MSRA: variants seen among roughly 807,000 people sequenced by gnomAD.
MSRA encodes the protein mitochondrial peptide methionine sulfoxide reductase.
Under a neutral mutation model 31.3 loss-of-function variants are expected in MSRA, and 54 were observed. The ratio of observed to expected loss-of-function variants is 1.73; its 90% CI spans 1.39 to 2.17. The LOEUF is 2.17. Among genes scored for constraint, MSRA ranks in the 30% most tolerant of loss-of-function variants. MSRA has a pLI of 0.00. For missense variants in MSRA, 507 were observed against 300.9 expected, an observed-to-expected ratio of 1.69 and a Z score of -5.07; for synonymous variants, 169 against 116.5, an observed-to-expected ratio of 1.45 and a Z score of -2.90.
intron 4 of MSRA, among the ~76,000 whole-genome samples, chr8:10,319,454 C>T (rs1364952785): frequency 1.3e-5 from 2 of 152,188 alleles, no homozygotes; most frequent in African/African-American, 4.8e-5. Context: ...GGAATTTACA[C>T]AGACATTGTC....
chr8:10,082,553 C>T (rs886625299), intron 1 of MSRA, among the ~76,000 whole-genome samples: 1 of 152,182 alleles, frequency 6.6e-6, no homozygotes, highest in African/African-American at 2.4e-5. Context: ...CACTAAGGGT[C>T]TCATCTGTTA....
chr8:10,062,503 C>G (rs2128913186), intron 1 of MSRA, among the ~76,000 whole-genome samples: 1 of 152,296 alleles, frequency 6.6e-6, no homozygotes, highest in Non-Finnish European at 1.5e-5. Flanking sequence ...ACACAGTAAG[C>G]TGATGATAAA....
At chr8:10,108,273 GCAAGATCCTTT>G (rs1322310078) in intron 1 of MSRA, among the ~76,000 whole-genome samples, 1 of 152,082 alleles carries the variant, frequency 6.6e-6, no homozygotes, top group Non-Finnish European at 1.5e-5. Flanking sequence ...CACTCACAGG[GCAAGATCCTTT>G]CATGATTTCC....
chr8:10,250,407 C>T, intron 3 of MSRA: 1 of 702,112 alleles, frequency 1.4e-6, no homozygotes, highest in East Asian at 2.7e-5. Context: ...AATATCTTTT[C>T]ATATTTTGCT....
intron 3 of MSRA, among the ~76,000 whole-genome samples, chr8:10,272,004 G>A (rs886939018): frequency 1.3e-5 from 2 of 152,080 alleles, no homozygotes; most frequent in East Asian, 1.9e-4. Context: ...CACTGTGCCC[G>A]GCCAGGTACT....
At chr8:10,350,720 G>T (rs1239202657) in intron 5 of MSRA, among the ~76,000 whole-genome samples, 1 of 152,240 alleles carries the variant, frequency 6.6e-6, no homozygotes, top group Admixed American at 6.5e-5. Flanking sequence ...TCCTTGCCAA[G>T]GCCGGCAACC....
chr8:10,357,434 A>G (rs757719003), intron 5 of MSRA, among the ~76,000 whole-genome samples: 6 of 152,202 alleles, frequency 3.9e-5, no homozygotes, highest in Non-Finnish European at 7.3e-5. Context: ...TTTCAATAAT[A>G]TTATGAACTC....
chr8:10,245,850 C>A (rs1465577306), intron 3 of MSRA, among the ~76,000 whole-genome samples: 1 of 152,186 alleles, frequency 6.6e-6, no homozygotes, highest in Non-Finnish European at 1.5e-5. Flanking sequence ...AGACCAGAGC[C>A]AATATGGGAT....
chr8:10,352,378 G>C (rs1804208175), intron 5 of MSRA, among the ~76,000 whole-genome samples: 1 of 152,186 alleles, frequency 6.6e-6, no homozygotes, highest in African/African-American at 2.4e-5. Context: ...CTAGTGTTTG[G>C]AAAGAGTTCT....
At chr8:10,244,559 G>A (rs1254830172) in intron 2 of MSRA, among the ~76,000 whole-genome samples, 4 of 152,104 alleles carry the variant, frequency 2.6e-5, no homozygotes, top group Non-Finnish European at 5.9e-5. Flanking sequence ...TTTTGGGTAA[G>A]CAGTGATTTA....
intron 5 of MSRA, among the ~76,000 whole-genome samples, chr8:10,419,427 G>T (rs1433152014): frequency 1.3e-5 from 2 of 152,264 alleles, no homozygotes; most frequent in East Asian, 3.9e-4. Context: ...ATTCAAGTAA[G>T]GTCTGTGAAT....
intron 5 of MSRA, among the ~76,000 whole-genome samples, chr8:10,373,500 G>T (rs1805591033): frequency 6.6e-6 from 1 of 152,244 alleles, no homozygotes; most frequent in African/African-American, 2.4e-5. Context: ...GCCTCCGAAA[G>T]TGCTGGGATG....
chr8:10,352,031 A>G (rs1312534990), intron 5 of MSRA, among the ~76,000 whole-genome samples: 1 of 152,244 alleles, frequency 6.6e-6, no homozygotes, highest in Non-Finnish European at 1.5e-5. Flanking sequence ...TAAGATTTCT[A>G]TATAAAACAG....
chr8:10,256,161 T>A (rs931170860), intron 3 of MSRA, among the ~76,000 whole-genome samples: 2 of 152,204 alleles, frequency 1.3e-5, no homozygotes, highest in Non-Finnish European at 2.9e-5. Flanking sequence ...TGGCAACTGC[T>A]GATCTTTTCG....
chr8:10,197,872 C>T (rs1410685610), intron 1 of MSRA, among the ~76,000 whole-genome samples: 1 of 152,156 alleles, frequency 6.6e-6, no homozygotes, highest in African/African-American at 2.4e-5. Flanking sequence ...TCTTAGCTAG[C>T]AAGCCAGGAT....
At chr8:10,394,228 A>G (rs924060292) in intron 5 of MSRA, among the ~76,000 whole-genome samples, 1 of 152,246 alleles carries the variant, frequency 6.6e-6, no homozygotes, top group African/African-American at 2.4e-5. Flanking sequence ...AGCGAAACCA[A>G]AGTTAATACT....
At chr8:10,330,006 A>ATGTG (rs72198519) in intron 5 of MSRA, among the ~76,000 whole-genome samples, 12,468 of 135,260 alleles carry the variant, frequency 0.092, 649 homozygotes, top group East Asian at 0.17. Flanking sequence ...AGAGAAAAAA[A>ATGTG]TGTGTGTGTG....
intron 1 of MSRA, among the ~76,000 whole-genome samples, chr8:10,142,605 T>C (rs936631938): frequency 4.6e-5 from 7 of 152,246 alleles, no homozygotes; most frequent in Admixed American, 4.6e-4. Context: ...TGAATTTCTT[T>C]AACCTTCCCT....
At chr8:10,236,232 C>G (rs1008841467) in intron 2 of MSRA, among the ~76,000 whole-genome samples, 5 of 152,116 alleles carry the variant, frequency 3.3e-5, no homozygotes, top group Non-Finnish European at 5.9e-5. Context: ...TGTCATTATT[C>G]AGCATTGTAT....
Sources: gnomAD v4.1 joint callset for allele counts (sites outside exome capture counted in the v4.1 genomes callset) on GRCh38, gnomAD v4.1.1 for gene constraint, MANE v1.5 for transcripts, NCBI Gene and HGNC (gene_info 2026-07-23, HGNC 2026-07-21) for gene names.